The following ZC3H11A variants were observed in gnomAD, a reference collection of about 807,000 sequenced individuals.
ZC3H11A encodes zinc finger CCCH domain-containing protein 11A.
A neutral mutation model predicts 90.8 loss-of-function variants in ZC3H11A; 22 were observed. That is an observed-to-expected ratio of 0.24 (90% confidence interval 0.17 to 0.35). The LOEUF (loss-of-function observed/expected upper bound fraction) is 0.35. ZC3H11A is among the 10% of genes least tolerant of loss of function. ZC3H11A has a pLI of 1.00. For missense variants in ZC3H11A, 701 were observed against 964.9 expected, an observed-to-expected ratio of 0.73 and a Z score of 3.62; for synonymous variants, 294 against 339.8, an observed-to-expected ratio of 0.87 and a Z score of 1.48.
intron 12 of ZC3H11A, among the ~76,000 whole-genome samples, chr1:203,843,446 TTTTG>T (rs1217910540): frequency 6.6e-6 from 1 of 152,206 alleles, no homozygotes; most frequent in Non-Finnish European, 1.5e-5. Context: ...TCTGTATACT[TTTTG>T]TTTCTTTGTT....
intron 2 of ZC3H11A, among the ~76,000 whole-genome samples, chr1:203,803,392 T>A (rs746001517): frequency 1.3e-5 from 2 of 151,964 alleles, no homozygotes; most frequent in African/African-American, 4.8e-5. Flanking sequence ...AGTTTCACCA[T>A]CTTGGCCAGG....
chr1:203,836,910 G>A (rs1333179363), intron 10 of ZC3H11A, among the ~76,000 whole-genome samples: 2 of 152,302 alleles, frequency 1.3e-5, no homozygotes, highest in East Asian at 1.9e-4. Context: ...GGGTTATGTG[G>A]CTCTTAAAGT....
intron 4 of ZC3H11A, among the ~76,000 whole-genome samples, chr1:203,819,249 TCTCA>T (rs1240668669): frequency 1.4e-5 from 2 of 146,846 alleles, no homozygotes; most frequent in African/African-American, 5.0e-5. Context: ...TGAAACGGAG[TCTCA>T]CTCTGTCGCC....
chr1:203,838,179 TTGTTA>T, intron 11 of ZC3H11A, 115 bp downstream of exon 11: 1 of 974,266 alleles, frequency 1.0e-6, no homozygotes, highest in Non-Finnish European at 1.5e-6. Context: ...TATCTTGTAT[TTGTTA>T]TATTATTCAC....
chr1:203,828,578 A>C (rs1182178430), intron 5 of ZC3H11A, among the ~76,000 whole-genome samples, 156 bp downstream of exon 5: 1 of 152,258 alleles, frequency 6.6e-6, no homozygotes, highest in Non-Finnish European at 1.5e-5. Context: ...ATTAAGGTTA[A>C]ATGATTTATC....
chr1:203,831,850 TA>T, intron 9 of ZC3H11A, 79 bp downstream of exon 9: 1 of 1,184,768 alleles, frequency 8.4e-7, no homozygotes, highest in Non-Finnish European at 1.2e-6. Context: ...GGGTATCTTT[TA>T]CCTTTGATGA....
chr1:203,798,968 G>T, intron 1 of ZC3H11A: 2 of 1,536,080 alleles, frequency 1.3e-6, no homozygotes, highest in South Asian at 2.4e-5. Context: ...AGATACACCT[G>T]ACTGTTGACA....
chr1:203,847,827 T>G, intron 13 of ZC3H11A, 140 bp downstream of exon 13: 1 of 1,262,534 alleles, frequency 7.9e-7, no homozygotes, highest in South Asian at 1.5e-5. Context: ...ATGAAGTTTT[T>G]CAGTAGTGCT....
chr1:203,850,346 T>C, intron 15 of ZC3H11A, 169 bp from the exon 16 acceptor site: 1 of 955,770 alleles, frequency 1.0e-6, no homozygotes, highest in Non-Finnish European at 1.6e-6. Context: ...CCACCTGTAG[T>C]GACCACCATG....
chr1:203,806,625 A>G (rs919977257), intron 2 of ZC3H11A, among the ~76,000 whole-genome samples: 25 of 152,052 alleles, frequency 1.6e-4, no homozygotes, highest in African/African-American at 6.0e-4. Context: ...TTCTTAATGC[A>G]TATACTAGAA....
chr1:203,826,629 A>C (rs910431421), intron 4 of ZC3H11A, among the ~76,000 whole-genome samples: 1 of 152,052 alleles, frequency 6.6e-6, no homozygotes, highest in African/African-American at 2.4e-5. Context: ...TGATACATTT[A>C]AGCATCTTTT....
In ZC3H11A at chr1:203,829,448, T is replaced by C. The variant is rs1283604332; in HGVS notation, c.299-3T>C. ...TAATTTATGACTGATTTTGTGCGTTTAGCTGTGTTGCCCACTGTGCCTGAG... is the reference window on the plus strand; with the variant it reads ...TAATTTATGACTGATTTTGTGCGTTCAGCTGTGTTGCCCACTGTGCCTGAG... On this transcript the variant is annotated splice_polypyrimidine_tract_variant and splice_region_variant and intron_variant, in intron 5 of 17. Transcript: ENST00000367210. The C allele has an allele frequency of 1.2e-6, 2 of 1,613,874 alleles. No individual in the cohort carries two copies. Among genetic ancestry groups the C allele is most frequent in the Non-Finnish European group, 1.7e-6 (2 of 1,179,868 alleles).
At chr1:203,806,731 T>G (rs1672474550) in intron 2 of ZC3H11A, among the ~76,000 whole-genome samples, 1 of 152,150 alleles carries the variant, frequency 6.6e-6, no homozygotes, top group African/African-American at 2.4e-5. Flanking sequence ...TTTACCATAT[T>G]GCATATGCTG....
At chr1:203,805,997 C>T in intron 2 of ZC3H11A, 1 of 569,654 alleles carries the variant, frequency 1.8e-6, no homozygotes, top group Non-Finnish European at 3.4e-6. Flanking sequence ...GTGTAATTAA[C>T]TTGTTTCATG....
At chr1:203,814,695 A>G (rs1005776914) in intron 2 of ZC3H11A, among the ~76,000 whole-genome samples, 4 of 152,092 alleles carry the variant, frequency 2.6e-5, no homozygotes, top group Admixed American at 6.6e-5. Flanking sequence ...GCCTCCACCT[A>G]TGACCCAATA....
chr1:203,821,145 G>A (rs779792864), intron 4 of ZC3H11A, among the ~76,000 whole-genome samples: 4 of 152,048 alleles, frequency 2.6e-5, no homozygotes, highest in Admixed American at 6.6e-5. Context: ...ATGATAGTGA[G>A]TGCGTTCTCG....
At chr1:203,812,739 G>A (rs1317499140) in intron 2 of ZC3H11A, among the ~76,000 whole-genome samples, 5 of 151,658 alleles carry the variant, frequency 3.3e-5, no homozygotes, top group African/African-American at 9.7e-5. Flanking sequence ...GTGCTACCAC[G>A]GCCAGCTAAT....
At chr1:203,816,442 A>G (rs1310857633) in intron 2 of ZC3H11A, among the ~76,000 whole-genome samples, 4 of 152,122 alleles carry the variant, frequency 2.6e-5, no homozygotes, top group Non-Finnish European at 5.9e-5. Context: ...TGAACAACAT[A>G]GCAAGATCCT....
At chr1:203,840,729 G>T (rs1360445637) in intron 12 of ZC3H11A, among the ~76,000 whole-genome samples, 2 of 151,898 alleles carry the variant, frequency 1.3e-5, no homozygotes, top group African/African-American at 4.8e-5. Context: ...CACCTCCTGG[G>T]TTCAAGCAAT....
Sources: allele counts gnomAD v4.1 joint callset (sites outside exome capture counted in the v4.1 genomes callset), GRCh38; gene constraint gnomAD v4.1.1; transcripts MANE v1.5; gene names NCBI Gene and HGNC (gene_info 2026-07-23, HGNC 2026-07-21).